RAP1A: variants seen among roughly 807,000 people sequenced by gnomAD.
RAP1A encodes ras-related protein Rap-1A.
Under a neutral mutation model 26.4 loss-of-function variants are expected in RAP1A, and 6 were observed. The ratio of observed to expected loss-of-function variants is 0.23; its 90% CI spans 0.12 to 0.45. The LOEUF is 0.45. RAP1A is among the 20% of genes least tolerant of loss of function. The pLI is 0.99. For missense variants in RAP1A, 121 were observed against 217.2 expected (o/e 0.56, Z 2.78); for synonymous variants, 73 against 79.4 (o/e 0.92, Z 0.43).
At chr1:111,684,266 T>C (rs1661396665) in intron 1 of RAP1A, among the ~76,000 whole-genome samples, 1 of 151,824 alleles carries the variant, frequency 6.6e-6, no homozygotes, top group Non-Finnish European at 1.5e-5. Flanking sequence ...CAAGGTGCCC[T>C]CTCACCACAT....
intron 1 of RAP1A, among the ~76,000 whole-genome samples, chr1:111,688,287 GTGT>G: frequency 7.6e-6 from 1 of 131,462 alleles, no homozygotes. Flanking sequence ...GTGTGTGTGT[GTGT>G]GTGTGTGTGT....
chr1:111,581,763 G>C (rs1272498655), intron 1 of RAP1A, among the ~76,000 whole-genome samples: 1 of 152,202 alleles, frequency 6.6e-6, no homozygotes, highest in African/African-American at 2.4e-5. Flanking sequence ...TCTAAGTTTT[G>C]AATAAAATGA....
At chr1:111,591,450 ATAAACAT>A (rs1658469524) in intron 1 of RAP1A, among the ~76,000 whole-genome samples, 1 of 152,190 alleles carries the variant, frequency 6.6e-6, no homozygotes, top group Admixed American at 6.5e-5. Context: ...TCTTTACTAA[ATAAACAT>A]TTTAAAGCTT....
chr1:111,666,666 C>T lies in RAP1A; in HGVS notation c.-27-24668C>T, dbSNP rs74109850. Among the ~76,000 whole-genome samples the T allele has an allele frequency of 4.5e-3, 676 of 151,588 alleles. 4 individuals are homozygous for T. The highest frequency in any genetic ancestry group is 0.014 in the African/African-American group (577 of 41,314). On this transcript the variant is annotated intron_variant, in intron 1 of 7. Coordinates refer to ENST00000369709, the MANE Select transcript of RAP1A (RefSeq NM_002884.4). ...TTTAAAAAAAAAAAGCATTGATTTG[C>T]ATTTGTGATCAGTATTGCTTAGGAA...
intron 1 of RAP1A, among the ~76,000 whole-genome samples, chr1:111,605,812 G>C (rs1455434602): frequency 1.3e-5 from 2 of 152,240 alleles, no homozygotes; most frequent in East Asian, 3.8e-4. Context: ...AGGCAGTGCA[G>C]CTGGGGGCAG....
Position 111,691,067 on chromosome 1 carries a change from T to C in RAP1A, c.-27-267T>C, listed in dbSNP as rs1661651293. The stretch of plus-strand genomic sequence containing the variant: ...GGTTATCAACTGTTGGATTTAATCA[T>C]CTTGTTTTCTAATCAAAGATTTTTA... On this transcript the variant is annotated intron_variant, in intron 1 of 7. Coordinates refer to ENST00000369709, the MANE Select transcript of RAP1A (RefSeq NM_002884.4). Among the ~76,000 whole-genome samples the C allele has an allele frequency of 2.0e-5, 3 of 152,228 alleles. No homozygotes were observed. In the South Asian group the frequency reaches 6.2e-4, roughly 31 times the overall value.
intron 1 of RAP1A, chr1:111,650,602 C>T (rs929158947): frequency 2.0e-5 from 3 of 152,174 alleles, no homozygotes; most frequent in Admixed American, 6.5e-5. Context: ...CGTATATCTT[C>T]TGCCCCCACA....
chr1:111,637,459 T>C (rs930440753), intron 1 of RAP1A, among the ~76,000 whole-genome samples: 5 of 152,202 alleles, frequency 3.3e-5, no homozygotes, highest in African/African-American at 2.4e-5. Flanking sequence ...TTTTATGCAC[T>C]AAAAGAATAA....
chr1:111,658,487 CCTTT>C (rs1438159536), intron 1 of RAP1A, among the ~76,000 whole-genome samples: 3 of 152,056 alleles, frequency 2.0e-5, no homozygotes, highest in Non-Finnish European at 2.9e-5. Context: ...AAAAAAATTT[CCTTT>C]CTTTAGTTCC....
intron 1 of RAP1A, chr1:111,563,757 A>C: frequency 2.2e-6 from 2 of 902,700 alleles, no homozygotes; most frequent in Non-Finnish European, 1.8e-6. Flanking sequence ...CTTGCCCCAT[A>C]TCATGAATAA....
Position 111,715,519 on chromosome 1 carries a change from A to G in RAP1A, c.*3118A>G, listed in dbSNP as rs999663854. ...GGGAAGATACTACAGTTCATCAAAG[A>G]TATGAATAACACCCTAGTTTTCTGA... On this transcript the variant is annotated 3_prime_UTR_variant, in exon 8 of 8. Transcript: ENST00000369709. The G allele has an allele frequency of 1.3e-5, 2 of 152,238 alleles. No homozygotes were observed. Among genetic ancestry groups the G allele is most frequent in the Non-Finnish European group, 2.9e-5 (2 of 68,036 alleles). The allele number at this position is 152,238 out of a possible 1,614,324, so 9.4% of individuals were successfully genotyped here. A position where few individuals can be genotyped will look rare whatever the true frequency, so the allele number is the denominator to read the frequency against.
intron 1 of RAP1A, among the ~76,000 whole-genome samples, chr1:111,562,314 A>G (rs191805403): frequency 1.3e-5 from 2 of 152,300 alleles, no homozygotes; most frequent in East Asian, 3.9e-4. Context: ...TGTTTCCTCA[A>G]CCATAATAGG....
intron 1 of RAP1A, among the ~76,000 whole-genome samples, chr1:111,576,649 G>A (rs1658151977): frequency 6.6e-6 from 1 of 152,158 alleles, no homozygotes; most frequent in Non-Finnish European, 1.5e-5. Flanking sequence ...GTGAGGGGAG[G>A]GAGGAACGTG....
chr1:111,638,016 A>G (rs1333124088), intron 1 of RAP1A, among the ~76,000 whole-genome samples: 2 of 151,944 alleles, frequency 1.3e-5, no homozygotes, highest in African/African-American at 4.8e-5. Context: ...ATCAAAATCA[A>G]TCTTTGTCTA....
chr1:111,550,244 T>C (rs1034090605), intron 1 of RAP1A, among the ~76,000 whole-genome samples: 3 of 152,236 alleles, frequency 2.0e-5, no homozygotes, highest in Non-Finnish European at 2.9e-5. Flanking sequence ...GGATAAAGGA[T>C]TGCCTATTTT....
Position 111,704,229 on chromosome 1 carries a change from T to C in RAP1A, c.325-114T>C. On this transcript the variant is annotated intron_variant, in intron 5 of 7. Coordinates refer to ENST00000369709, the MANE Select transcript of RAP1A (RefSeq NM_002884.4). ...ACTTTTCGTTAGTATTTGATGAAGC[T>C]TGCGGTCCCAACTAATGCATTTCAG... 2.8e-6 allele frequency: 3 copies of C among 1,086,436 alleles called. No homozygotes were observed. In the South Asian group the frequency reaches 5.5e-5, roughly 20 times the overall value. The allele number at this position is 1,086,436 out of a possible 1,614,324, so 67.3% of individuals were successfully genotyped here. A position where few individuals can be genotyped will look rare whatever the true frequency, so the allele number is the denominator to read the frequency against.
intron 1 of RAP1A, among the ~76,000 whole-genome samples, chr1:111,612,990 C>T (rs1224012567): frequency 2.0e-5 from 3 of 152,106 alleles, no homozygotes; most frequent in Non-Finnish European, 2.9e-5. Flanking sequence ...ACTGAGGCTA[C>T]AAGAGGTTAA....
At chr1:111,546,453 GTTC>G (rs1195911865) in intron 1 of RAP1A, among the ~76,000 whole-genome samples, 2 of 151,908 alleles carry the variant, frequency 1.3e-5, no homozygotes, top group Non-Finnish European at 2.9e-5. Flanking sequence ...GGGAAGCATC[GTTC>G]TTCTCCTTTC....
intron 1 of RAP1A, among the ~76,000 whole-genome samples, chr1:111,571,578 A>G (rs562026299): frequency 1.3e-4 from 20 of 152,344 alleles, no homozygotes; most frequent in African/African-American, 4.1e-4. Flanking sequence ...CTTGACTTGA[A>G]CAAGAGACTA....
Sources: allele counts gnomAD v4.1 joint callset (sites outside exome capture counted in the v4.1 genomes callset), GRCh38; gene constraint gnomAD v4.1.1; transcripts MANE v1.5; gene names NCBI Gene and HGNC (gene_info 2026-07-23, HGNC 2026-07-21).